The following DNER variants were observed in gnomAD, a reference collection of about 807,000 sequenced individuals.
The protein encoded by DNER is delta and Notch-like epidermal growth factor-related receptor.
Under a neutral mutation model 78.2 loss-of-function variants are expected in DNER, and 33 were observed. The ratio of observed to expected loss-of-function variants is 0.42; its 90% confidence interval spans 0.32 to 0.56. The LOEUF (loss-of-function observed/expected upper bound fraction) is 0.56. Ranked by LOEUF, DNER falls within the 20% of genes least tolerant of loss-of-function variation. DNER has a pLI of 0.11. For synonymous variants in DNER, 417 were observed against 384.8 expected, an observed-to-expected ratio of 1.08 and a Z score of -0.98; for missense variants, 918 against 975.3, an observed-to-expected ratio of 0.94 and a Z score of 0.78.
intron 4 of DNER, among the ~76,000 whole-genome samples, chr2:229,579,693 C>A (rs1387257424): frequency 6.6e-6 from 1 of 152,050 alleles, no homozygotes; most frequent in African/African-American, 2.4e-5. Context: ...CTATGACTAC[C>A]TCAAAACCAA....
At chr2:229,374,754 T>G (rs1173393427) in intron 11 of DNER, among the ~76,000 whole-genome samples, 1 of 152,112 alleles carries the variant, frequency 6.6e-6, no homozygotes, top group Non-Finnish European at 1.5e-5. Flanking sequence ...AACTGTAGAT[T>G]GTAGAAATCA....
rs948067913 is a variant in DNER at position 229,470,110 on chromosome 2, C to T, written c.1261+7030G>A. On this transcript the variant is annotated intron_variant, in intron 7 of 12. Transcript: ENST00000341772. ...CCATCGTTGAAGTTCAAGACCTATG[C>T]CTGAAGTTTTAAAACTAAAATGTTG... 3.9e-5 allele frequency among the ~76,000 whole-genome samples: 6 copies of T among 152,310 alleles called. No individual in the cohort carries two copies. The South Asian group carries it at 1.2e-3, about 32-fold the overall frequency.
intron 6 of DNER, among the ~76,000 whole-genome samples, chr2:229,477,922 A>G (rs949908884): frequency 1.3e-5 from 2 of 152,234 alleles, no homozygotes; most frequent in African/African-American, 4.8e-5. Context: ...ACATGTGGTG[A>G]GGAAATAAGG....
intron 1 of DNER, among the ~76,000 whole-genome samples, chr2:229,662,203 A>C (rs1178488454): frequency 1.3e-5 from 2 of 152,214 alleles, no homozygotes; most frequent in Admixed American, 6.5e-5. Context: ...GAACTGGGAC[A>C]GAACTTTCAG....
rs372031642 is a variant in DNER, at chr2:229,545,585, A to G, written c.993+1362T>C. ...CAAGACTCCATCTCAAAAAATATAT[A>G]TATTTTAAGAGAGTTCTATACTGAT... On this transcript the variant is annotated intron_variant, in intron 5 of 12. Transcript: ENST00000341772. Among the ~76,000 whole-genome samples, 9 of 152,284 alleles carry G rather than the reference A, an allele frequency of 5.9e-5. No individual in the cohort carries two copies. In the East Asian group the frequency reaches 1.7e-3, roughly 29 times the overall value.
At chr2:229,472,636 A>G (rs1694947104) in intron 7 of DNER, among the ~76,000 whole-genome samples, 1 of 152,236 alleles carries the variant, frequency 6.6e-6, no homozygotes, top group African/African-American at 2.4e-5. Flanking sequence ...TTTAAAACTT[A>G]AGGATTTCAA....
chr2:229,701,086 A>G (rs1274391524), intron 1 of DNER, among the ~76,000 whole-genome samples: 2 of 152,240 alleles, frequency 1.3e-5, no homozygotes, highest in African/African-American at 2.4e-5. Context: ...GGAAACAGTG[A>G]TTAGTGCAGA....
intron 1 of DNER, among the ~76,000 whole-genome samples, chr2:229,657,909 TTCATGA>T (rs1278133788): frequency 2.0e-5 from 3 of 152,082 alleles, no homozygotes; most frequent in Non-Finnish European, 4.4e-5. Flanking sequence ...TCAAGGGAAT[TTCATGA>T]TCATTAATTT....
rs147844658 is a variant in DNER, at chr2:229,508,610, G to A, written c.1147+4173C>T. 5.3e-3 allele frequency among the ~76,000 whole-genome samples: 805 copies of A among 152,202 alleles called. 9 individuals are homozygous for A. The highest frequency in any genetic ancestry group is 0.018 in the African/African-American group (729 of 41,520). On this transcript the variant is annotated intron_variant, in intron 6 of 12. Transcript: ENST00000341772. ...TTAAAAAGGAAAACAGGCTGGGCGCGGTGGCTCATGCCTGTAATCCCAGCA... is the reference window on the plus strand; with the variant it reads ...TTAAAAAGGAAAACAGGCTGGGCGCAGTGGCTCATGCCTGTAATCCCAGCA...
intron 5 of DNER, among the ~76,000 whole-genome samples, chr2:229,523,567 T>C (rs140763361): frequency 2.5e-4 from 38 of 152,342 alleles, no homozygotes; most frequent in South Asian, 6.2e-4. Flanking sequence ...CATTTCACTT[T>C]ACCTCTTTAA....
intron 5 of DNER, 81 bp downstream of exon 5, chr2:229,546,866 A>C: frequency 6.4e-7 from 1 of 1,572,386 alleles, no homozygotes; most frequent in Non-Finnish European, 8.6e-7. Context: ...AAGGGGTAAG[A>C]ACACACACAT....
At chr2:229,600,708 T>C (rs116223979) in intron 1 of DNER, among the ~76,000 whole-genome samples, 4,663 of 152,298 alleles carry the variant, frequency 0.031, 215 homozygotes, top group African/African-American at 0.097. Context: ...CCCCTACCTT[T>C]CCTTCACTAG....
intron 4 of DNER, among the ~76,000 whole-genome samples, chr2:229,562,325 T>C (rs376722049): frequency 2.6e-5 from 4 of 152,158 alleles, no homozygotes; most frequent in East Asian, 3.9e-4. Flanking sequence ...TCCTTTGTAG[T>C]GACAAAGCTG....
intron 5 of DNER, among the ~76,000 whole-genome samples, chr2:229,544,146 C>G (rs1287073054): frequency 2.0e-5 from 3 of 152,210 alleles, no homozygotes; most frequent in Non-Finnish European, 2.9e-5. Context: ...CTAGCCATGA[C>G]TCTCATAGAA....
At chr2:229,478,988 C>T (rs1395822391) in intron 6 of DNER, among the ~76,000 whole-genome samples, 1 of 152,070 alleles carries the variant, frequency 6.6e-6, no homozygotes, top group East Asian at 1.9e-4. Context: ...CCAACAGGCC[C>T]CAGTGTGTGT....
intron 5 of DNER, among the ~76,000 whole-genome samples, chr2:229,513,199 C>T (rs956091537): frequency 1.3e-5 from 2 of 152,194 alleles, no homozygotes; most frequent in African/African-American, 4.8e-5. Context: ...ATGAAATGAA[C>T]TTGTTTTAAG....
At chr2:229,621,927 T>TA (rs940250830) in intron 1 of DNER, among the ~76,000 whole-genome samples, 177 of 150,960 alleles carry the variant, frequency 1.2e-3, no homozygotes, top group Admixed American at 1.1e-3. Context: ...CTACTAAAAA[T>TA]AAAAAAAAAT....
At chr2:229,588,303 G>T in intron 3 of DNER, 91 bp downstream of exon 3, 1 of 1,152,130 alleles carries the variant, frequency 8.7e-7, no homozygotes, top group Non-Finnish European at 1.3e-6. Flanking sequence ...CACTTGACAG[G>T]CCACTTACAC....
Position 229,375,589 on chromosome 2 carries a change from T to C in DNER, c.1856-8470A>G, listed in dbSNP as rs1692579642. On this transcript the variant is annotated intron_variant, in intron 11 of 12. Coordinates refer to ENST00000341772, the MANE Select transcript of DNER (RefSeq NM_139072.4). ...TACCCTTGGACCCCACCACCATTGCTTCCAAGGGGAAAAGTTCTAAAAGGC... is the reference window on the plus strand; with the variant it reads ...TACCCTTGGACCCCACCACCATTGCCTCCAAGGGGAAAAGTTCTAAAAGGC... 2.0e-5 allele frequency among the ~76,000 whole-genome samples: 3 copies of C among 152,304 alleles called. No homozygotes were observed. In the South Asian group the frequency reaches 6.2e-4, roughly 32 times the overall value.
Sources: allele counts gnomAD v4.1 joint callset (sites outside exome capture counted in the v4.1 genomes callset), GRCh38; gene constraint gnomAD v4.1.1; transcripts MANE v1.5; gene names NCBI Gene and HGNC (gene_info 2026-07-23, HGNC 2026-07-21).